The following FARP1 variants were observed in gnomAD, a reference collection of about 807,000 sequenced individuals.
FARP1 encodes FERM, ARH/RhoGEF and pleckstrin domain protein 1.
A neutral mutation model predicts 128.8 loss-of-function variants in FARP1; 52 were observed. The ratio of observed to expected loss-of-function variants is 0.40; its 90% CI spans 0.32 to 0.51. FARP1 has a LOEUF of 0.51. Ranked by LOEUF, FARP1 falls within the 20% of genes least tolerant of loss-of-function variation. The probability of loss-of-function intolerance (pLI) is 0.45; values close to 1 mark genes in which losing one functional copy is unlikely to be tolerated. For missense variants in FARP1, 1,333 were observed against 1,367.9 expected, an observed-to-expected ratio of 0.97 and a Z score of 0.40; for synonymous variants, 580 against 551.8, an observed-to-expected ratio of 1.05 and a Z score of -0.72.
intron 19 of FARP1, 90 bp downstream of exon 19, chr13:98,435,796 C>G (rs1256593986): frequency 7.3e-7 from 1 of 1,369,396 alleles, no homozygotes; most frequent in Non-Finnish European, 1.0e-6. Flanking sequence ...AAGAGAGACC[C>G]TTGCAAAGCA....
intron 2 of FARP1, among the ~76,000 whole-genome samples, chr13:98,289,084 C>G (rs1885331981): frequency 6.6e-6 from 1 of 151,770 alleles, no homozygotes; most frequent in African/African-American, 2.4e-5. Context: ...CAGCTGTCAG[C>G]TACCATTGGG....
At chr13:98,257,139 A>G (rs904007060) in intron 2 of FARP1, among the ~76,000 whole-genome samples, 13 of 151,816 alleles carry the variant, frequency 8.6e-5, no homozygotes, top group African/African-American at 1.5e-4. Context: ...ATTGAATACA[A>G]AGGAAAACTT....
At chr13:98,281,321 C>T (rs1234655671) in intron 2 of FARP1, among the ~76,000 whole-genome samples, 1 of 151,782 alleles carries the variant, frequency 6.6e-6, no homozygotes, top group African/African-American at 2.4e-5. Flanking sequence ...GAGCTGAGAT[C>T]GTGCCACTGT....
chr13:98,296,220 C>T (rs1467598798), intron 2 of FARP1, among the ~76,000 whole-genome samples: 2 of 152,196 alleles, frequency 1.3e-5, no homozygotes, highest in African/African-American at 4.8e-5. Context: ...TATCAATCAA[C>T]TGGGAAGACC....
intron 16 of FARP1, among the ~76,000 whole-genome samples, chr13:98,417,163 A>G (rs1327682545): frequency 6.6e-6 from 1 of 152,138 alleles, no homozygotes; most frequent in African/African-American, 2.4e-5. Context: ...TACAAGTACG[A>G]TAAGGGAAGA....
chr13:98,441,199 T>G (rs1199198036), intron 24 of FARP1, among the ~76,000 whole-genome samples: 1 of 152,186 alleles, frequency 6.6e-6, no homozygotes, highest in Non-Finnish European at 1.5e-5. Flanking sequence ...TCCATGGCTG[T>G]CATGTCCTGA....
At chr13:98,410,954 G>C (rs2291173) in intron 15 of FARP1, 131 bp downstream of exon 15, 181,818 of 506,960 alleles carry the variant, frequency 0.36, 33,744 homozygotes, top group African/African-American at 0.49. Flanking sequence ...GTGGTCCTAG[G>C]GTATAGAAAT....
At chr13:98,427,209 C>G (rs1891822086) in intron 17 of FARP1, among the ~76,000 whole-genome samples, 1 of 152,224 alleles carries the variant, frequency 6.6e-6, no homozygotes, top group Non-Finnish European at 1.5e-5. Context: ...CTGGCAACCA[C>G]TGACCTTTTC....
intron 1 of FARP1, among the ~76,000 whole-genome samples, chr13:98,200,808 G>A (rs984832902): frequency 6.6e-6 from 1 of 152,162 alleles, no homozygotes. Context: ...ATTGGATCAG[G>A]AAAGTCTTTC....
chr13:98,393,510 G>A, intron 11 of FARP1, 133 bp from the exon 12 acceptor site: 1 of 673,420 alleles, frequency 1.5e-6, no homozygotes, highest in Non-Finnish European at 2.7e-6. Flanking sequence ...ATTTGTAAAG[G>A]CGGCTCTGGG....
At chr13:98,319,853 A>G (rs1308055033) in intron 2 of FARP1, among the ~76,000 whole-genome samples, 1 of 152,094 alleles carries the variant, frequency 6.6e-6, no homozygotes, top group Non-Finnish European at 1.5e-5. Context: ...GAAAAAAACA[A>G]CAGACTTTTT....
intron 2 of FARP1, among the ~76,000 whole-genome samples, chr13:98,299,108 A>T (rs1015153665): frequency 3.3e-5 from 5 of 152,222 alleles, no homozygotes; most frequent in South Asian, 2.1e-4. Context: ...GATTATATTT[A>T]AAAAATATTG....
Position 98,365,419 on chromosome 13 carries a change from A to G in FARP1, c.301A>G (p.Ile101Val). ...GGTGTGGCTGGATCTCCTAAAACCC[A>G]TTGTGAAACAGATTAGAAGTGAGTA... Reference protein sequence around the residue: ...ITVWLDLLKPIVKQIRRPKHV... With the variant: ...ITVWLDLLKPVVKQIRRPKHV... Residue 101 changes from isoleucine to valine, a missense_variant, in exon 4 of 27, where the codon ATT becomes GTT. Coordinates refer to ENST00000319562, the MANE Select transcript of FARP1 (RefSeq NM_005766.4). 6.2e-7 allele frequency: 1 copy of G among 1,610,030 alleles called. No homozygotes were observed. The highest frequency in any genetic ancestry group is 8.5e-7 in the Non-Finnish European group (1 of 1,176,428).
At chr13:98,414,292 A>G (rs1388231494) in intron 16 of FARP1, among the ~76,000 whole-genome samples, 1 of 152,234 alleles carries the variant, frequency 6.6e-6, no homozygotes, top group South Asian at 2.1e-4. Flanking sequence ...GAGAAAGCAG[A>G]TAGTCAACAA....
chr13:98,358,056 C>A (rs1381806879), intron 3 of FARP1, among the ~76,000 whole-genome samples: 1 of 151,906 alleles, frequency 6.6e-6, no homozygotes, highest in Non-Finnish European at 1.5e-5. Flanking sequence ...GCACTGTTAC[C>A]TCTAATACAT....
intron 15 of FARP1, among the ~76,000 whole-genome samples, chr13:98,411,140 G>T (rs1330438691): frequency 2.0e-5 from 3 of 152,188 alleles, no homozygotes; most frequent in Non-Finnish European, 4.4e-5. Flanking sequence ...AAGTATAACT[G>T]CTGATTTTTG....
chr13:98,315,347 G>C (rs187198428), intron 2 of FARP1, among the ~76,000 whole-genome samples: 1 of 152,148 alleles, frequency 6.6e-6, no homozygotes, highest in African/African-American at 2.4e-5. Context: ...CTCAAGCAAT[G>C]CCCCGCCTCT....
intron 6 of FARP1, chr13:98,384,390 G>T (rs1418358356): frequency 1.3e-5 from 3 of 226,712 alleles, no homozygotes; most frequent in Non-Finnish European, 2.6e-5. Context: ...ACGAGGTTTC[G>T]CCATGTTGCC....
intron 1 of FARP1, among the ~76,000 whole-genome samples, chr13:98,196,379 CTT>C (rs1879570143): frequency 6.6e-6 from 1 of 152,118 alleles, no homozygotes; most frequent in Admixed American, 6.5e-5. Flanking sequence ...AAGTTAATCT[CTT>C]GTGTCTCAGT....
Sources: gnomAD v4.1 joint callset for allele counts (sites outside exome capture counted in the v4.1 genomes callset) on GRCh38, gnomAD v4.1.1 for gene constraint, MANE v1.5 for transcripts, NCBI Gene and HGNC (gene_info 2026-07-23, HGNC 2026-07-21) for gene names.